ZNF521: variants seen among roughly 807,000 people sequenced by gnomAD.
The protein encoded by ZNF521 is LYST-interacting protein 3.
ZNF521 carries 14 observed loss-of-function variants against 105.5 expected under a neutral mutation model. The ratio of observed to expected loss-of-function variants is 0.13; its 90% confidence interval spans 0.09 to 0.21. ZNF521 has a LOEUF of 0.21. Ranked by LOEUF, ZNF521 falls within the 10% of genes least tolerant of loss-of-function variation. The probability of loss-of-function intolerance (pLI) is 1.00; values close to 1 mark genes in which losing one functional copy is unlikely to be tolerated. For synonymous variants in ZNF521, 635 were observed against 606.0 expected, an observed-to-expected ratio of 1.05 and a Z score of -0.70; for missense variants, 1,233 against 1,629.7, an observed-to-expected ratio of 0.76 and a Z score of 4.19.
At chr18:25,158,771 C>A (rs1285289961) in intron 5 of ZNF521, among the ~76,000 whole-genome samples, 1 of 151,948 alleles carries the variant, frequency 6.6e-6, no homozygotes, top group Non-Finnish European at 1.5e-5. Flanking sequence ...GCCTGGCCAA[C>A]GTGGTGAAAC....
intron 3 of ZNF521, among the ~76,000 whole-genome samples, chr18:25,277,529 A>C (rs1047355900): frequency 1.3e-5 from 2 of 152,248 alleles, no homozygotes; most frequent in Non-Finnish European, 2.9e-5. Context: ...TAAAATATGC[A>C]TAAATGATTG....
chr18:25,185,652 T>C (rs1029558659), intron 5 of ZNF521, among the ~76,000 whole-genome samples: 5 of 152,060 alleles, frequency 3.3e-5, no homozygotes, highest in African/African-American at 1.2e-4. Context: ...TAAAGCTACA[T>C]GGTTAGAAGC....
At chr18:25,121,993 T>G (rs1314059382) in intron 5 of ZNF521, among the ~76,000 whole-genome samples, 1 of 151,934 alleles carries the variant, frequency 6.6e-6, no homozygotes, top group Non-Finnish European at 1.5e-5. Flanking sequence ...TCAATCAATA[T>G]TAACTGACAC....
intron 4 of ZNF521, among the ~76,000 whole-genome samples, chr18:25,209,214 C>T (rs1440000723): frequency 6.6e-6 from 1 of 152,014 alleles, no homozygotes; most frequent in East Asian, 1.9e-4. Context: ...TCACTGCAAC[C>T]TCCATCTCCT....
At chr18:25,279,055 C>T (rs911694502) in intron 3 of ZNF521, among the ~76,000 whole-genome samples, 1 of 152,090 alleles carries the variant, frequency 6.6e-6, no homozygotes, top group Admixed American at 6.6e-5. Flanking sequence ...TGAAATATAC[C>T]ATATGCCACT....
rs1372271048 is a variant in ZNF521 at position 25,248,417 on chromosome 18, G to A, written c.221-20720C>T. Among the ~76,000 whole-genome samples the A allele has an allele frequency of 2.6e-5, 4 of 152,184 alleles. No homozygotes were observed. In the East Asian group the frequency reaches 7.7e-4, roughly 29 times the overall value. On this transcript the variant is annotated intron_variant, in intron 3 of 7. Transcript: ENST00000361524. ...GCCTGCCTCTCCTGGAAAAGACTTG[G>A]CAACACTGAATGTATATTATGATGT...
intron 1 of ZNF521, 101 bp downstream of exon 1, chr18:25,351,904 G>GGCGGCGGCA (rs1176237963): frequency 2.5e-5 from 7 of 276,644 alleles, no homozygotes; most frequent in Non-Finnish European, 4.4e-5. Context: ...CGGCGGCAGC[G>GGCGGCGGCA]GCGGCGGCAG....
intron 2 of ZNF521, among the ~76,000 whole-genome samples, chr18:25,350,497 A>C (rs1434799151): frequency 6.6e-6 from 1 of 152,190 alleles, no homozygotes; most frequent in Non-Finnish European, 1.5e-5. Context: ...AGGAAAAAAG[A>C]AGCACCGCAC....
intron 7 of ZNF521, among the ~76,000 whole-genome samples, chr18:25,073,742 G>A (rs1008882869): frequency 5.9e-5 from 9 of 152,036 alleles, no homozygotes; most frequent in South Asian, 4.2e-4. Flanking sequence ...TTGAACTTGG[G>A]CAAAAAGCAA....
chr18:25,089,134 C>A (rs904246783), intron 7 of ZNF521, among the ~76,000 whole-genome samples: 6 of 152,138 alleles, frequency 3.9e-5, no homozygotes, highest in African/African-American at 1.4e-4. Flanking sequence ...GGGAACAGAA[C>A]ATGAATAAAA....
chr18:25,236,713 A>G (rs1055049394), intron 3 of ZNF521, among the ~76,000 whole-genome samples: 2 of 152,156 alleles, frequency 1.3e-5, no homozygotes, highest in Non-Finnish European at 2.9e-5. Flanking sequence ...TAAAACTGAA[A>G]TGGAAAAATG....
chr18:25,078,425 C>A (rs2033414840), intron 7 of ZNF521, among the ~76,000 whole-genome samples: 1 of 152,186 alleles, frequency 6.6e-6, no homozygotes, highest in Non-Finnish European at 1.5e-5. Context: ...GCCATTCTTG[C>A]CCTACTTTTC....
chr18:25,188,934 C>T (rs1271345305), intron 5 of ZNF521, among the ~76,000 whole-genome samples: 1 of 152,216 alleles, frequency 6.6e-6, no homozygotes, highest in East Asian at 1.9e-4. Flanking sequence ...TAAGAAATGT[C>T]TAGCACGCTA....
At chr18:25,068,945 C>T (rs1229368533) in intron 7 of ZNF521, among the ~76,000 whole-genome samples, 3 of 152,102 alleles carry the variant, frequency 2.0e-5, no homozygotes, top group Non-Finnish European at 2.9e-5. Flanking sequence ...TAAAACCCTC[C>T]GGGATCAGAC....
intron 3 of ZNF521, among the ~76,000 whole-genome samples, chr18:25,285,698 T>TCTCACA (rs1185535267): frequency 0.01 from 1,490 of 147,084 alleles, 22 homozygotes; most frequent in East Asian, 0.073. Context: ...TCTCTCTCTC[T>TCTCACA]CACACACACA....
chr18:25,227,257 T>A lies in ZNF521; in HGVS notation c.661A>T (p.Met221Leu), dbSNP rs1438939509. The change falls in exon 4 of 8, where the codon ATG becomes TTG. Residue 221 changes from methionine to leucine, a missense_variant. This residue lies in a region of ZNF521 where 380 missense variants were observed against 478.0 expected (regional missense o/e 0.80). Transcript: ENST00000361524. The surrounding 1 kb of genome is among the most constrained non-coding windows in gnomAD (Gnocchi z 5.7). ...FLSSSSLHGH[M>L]QVHERNKDGS... ...TCCTTGTTCCTCTCATGAACCTGCA[T>A]GTGTCCGTGTAAGGAACTAGAGGAC... is the stretch of plus-strand genomic sequence containing the variant. 3.1e-6 allele frequency: 5 copies of A among 1,614,048 alleles called. No individual in the cohort carries two copies. Among genetic ancestry groups the A allele is most frequent in the Admixed American group, 1.7e-5 (1 of 59,992 alleles).
chr18:25,193,129 C>T (rs2035847194), intron 5 of ZNF521, among the ~76,000 whole-genome samples: 1 of 151,834 alleles, frequency 6.6e-6, no homozygotes, highest in South Asian at 2.1e-4. Context: ...AGGGAAAAAG[C>T]CTTGGGAAAG....
intron 7 of ZNF521, among the ~76,000 whole-genome samples, chr18:25,070,566 C>T (rs1303359314): frequency 1.3e-5 from 2 of 152,282 alleles, no homozygotes; most frequent in East Asian, 3.9e-4. Context: ...GCCAGTGGGG[C>T]TTGCCTTACA....
rs537139373 is a variant in ZNF521, at chr18:25,322,222, A to G, written c.41-35T>C. 8.1e-6 allele frequency: 13 copies of G among 1,599,844 alleles called. No homozygotes were observed. In the South Asian group the frequency reaches 1.4e-4, roughly 18 times the overall value. On this transcript the variant is annotated intron_variant, in intron 2 of 7. Coordinates refer to ENST00000361524, the MANE Select transcript of ZNF521 (RefSeq NM_015461.3). Reference sequence around the variant, plus strand: ...ATCAACACTGTAAGTATGGGGTTTAAAGACAGGTTCTTTTAAAGTAACATT... The same window carrying G: ...ATCAACACTGTAAGTATGGGGTTTAGAGACAGGTTCTTTTAAAGTAACATT...
Sources: allele counts gnomAD v4.1 joint callset (sites outside exome capture counted in the v4.1 genomes callset), GRCh38; gene constraint gnomAD v4.1.1; regional missense constraint gnomAD v4.1.1; non-coding constraint Gnocchi (gnomAD v3.1); transcripts MANE v1.5; gene names NCBI Gene and HGNC (gene_info 2026-07-23, HGNC 2026-07-21).